FTCDNL1: variants seen among roughly 807,000 people sequenced by gnomAD.
FTCDNL1 encodes formiminotransferase cyclodeaminase N-terminal like.
A neutral mutation model predicts 5.9 loss-of-function variants in FTCDNL1; 11 were observed. That is an observed-to-expected ratio of 1.87 (90% CI 1.18 to 3.10). FTCDNL1 has a LOEUF of 3.10. Among genes scored for constraint, FTCDNL1 ranks in the 30% most tolerant of loss-of-function variants. The probability of loss-of-function intolerance (pLI) is 0.00; values close to 1 mark genes in which losing one functional copy is unlikely to be tolerated. For missense variants in FTCDNL1, 115 were observed against 65.5 expected (o/e 1.76, Z -2.61); for synonymous variants, 58 against 24.8 (o/e 2.34, Z -3.99).
chr2:199,690,120 C>T, the FTCDNL1 span, among the ~76,000 whole-genome samples: 5 of 152,112 alleles, frequency 3.3e-5, no homozygotes, highest in Admixed American at 3.3e-4. Context: ...TAGATATTTA[C>T]ATATATCAGA....
chr2:199,695,000 GC>G, the FTCDNL1 span, among the ~76,000 whole-genome samples: 12 of 152,094 alleles, frequency 7.9e-5, no homozygotes, highest in African/African-American at 2.9e-4. Flanking sequence ...CTTCTATCTT[GC>G]TTGGATTAGT....
chr2:199,677,038 C>T, the FTCDNL1 span, among the ~76,000 whole-genome samples: 3 of 152,032 alleles, frequency 2.0e-5, no homozygotes, highest in African/African-American at 7.2e-5. Flanking sequence ...CAAGGAACAC[C>T]GCTGCTCTGC....
the FTCDNL1 span, among the ~76,000 whole-genome samples, chr2:199,708,878 T>A: frequency 3.3e-5 from 5 of 152,250 alleles, no homozygotes; most frequent in African/African-American, 1.2e-4. Context: ...GGAGCTCTTT[T>A]TCTTTGTAGC....
intron 3 of FTCDNL1, among the ~76,000 whole-genome samples, chr2:199,802,782 G>C (rs938842946): frequency 2.0e-5 from 3 of 152,162 alleles, no homozygotes; most frequent in African/African-American, 7.2e-5. Context: ...TGATGAGAGA[G>C]GGTTGTGCCT....
intron 3 of FTCDNL1, among the ~76,000 whole-genome samples, chr2:199,838,068 T>C (rs1051292195): frequency 3.9e-5 from 6 of 152,198 alleles, no homozygotes; most frequent in Non-Finnish European, 7.3e-5. Flanking sequence ...TCATGAAAGT[T>C]TGTGTGTCAA....
At chr2:199,720,923 G>A in the FTCDNL1 span, among the ~76,000 whole-genome samples, 1 of 152,148 alleles carries the variant, frequency 6.6e-6, no homozygotes, top group Admixed American at 6.6e-5. Context: ...CTGGATGTCA[G>A]TTGAGGTCTT....
rs1400998653 is a variant in FTCDNL1 at position 199,848,914 on chromosome 2, C to T, written c.49G>A (p.Val17Ile). ...ATGTATTTTCTTCCGGCTTCTGAAA[C>T]GTTTAGTAAACAGGCAGCCAAACGG... ...GLRLAACLLN[V>I]SEAGRKYIVE... is the part of the protein sequence containing the mutation. Residue 17 changes from valine (V) to isoleucine (I), a missense_variant, in exon 2 of 5, where the codon GTT becomes ATT. By Grantham distance (29) the Val-to-Ile change is conservative (BLOSUM62 3). Transcript: ENST00000420128. 2.6e-5 allele frequency: 18 copies of T among 702,080 alleles called. No individual in the cohort carries two copies. The highest frequency in any genetic ancestry group is 4.7e-5 in the Non-Finnish European group (18 of 384,784). 43.5% of individuals were successfully genotyped at this position (702,080 alleles called of 1,614,324 possible). A position where few individuals can be genotyped will look rare whatever the true frequency, so the allele number is the denominator to read the frequency against.
At chr2:199,768,882 C>T (rs1236093048) in intron 3 of FTCDNL1, among the ~76,000 whole-genome samples, 1 of 152,142 alleles carries the variant, frequency 6.6e-6, no homozygotes, top group East Asian at 1.9e-4. Flanking sequence ...TGTCTCTCCA[C>T]AAAGGAAACG....
the FTCDNL1 span, among the ~76,000 whole-genome samples, chr2:199,677,353 T>C: frequency 1.3e-5 from 2 of 152,192 alleles, no homozygotes; most frequent in Non-Finnish European, 2.9e-5. Context: ...CAAAGTATAC[T>C]ATTCATTTAA....
the FTCDNL1 span, among the ~76,000 whole-genome samples, chr2:199,723,610 T>C: frequency 6.6e-6 from 1 of 152,214 alleles, no homozygotes; most frequent in Non-Finnish European, 1.5e-5. Context: ...TTCATTTTTA[T>C]TGAAGGCCTT....
downstream of FTCDNL1, among the ~76,000 whole-genome samples, chr2:199,755,869 G>C (rs368762987): frequency 6.6e-6 from 1 of 152,168 alleles, no homozygotes; most frequent in African/African-American, 2.4e-5. Context: ...TTTGCTAACG[G>C]TAAGTATGAT....
At chr2:199,794,917 T>C (rs1320236178) in intron 3 of FTCDNL1, among the ~76,000 whole-genome samples, 2 of 152,088 alleles carry the variant, frequency 1.3e-5, no homozygotes, top group Non-Finnish European at 2.9e-5. Flanking sequence ...ATAATAACAA[T>C]GCATTCATGT....
At chr2:199,741,384 T>C in the FTCDNL1 span, among the ~76,000 whole-genome samples, 1 of 152,324 alleles carries the variant, frequency 6.6e-6, no homozygotes, top group African/African-American at 2.4e-5. Context: ...AATATGTACC[T>C]AATTAATTGA....
Position 199,850,975 on chromosome 2 carries a change from CCT to C in FTCDNL1, c.-245_-244del, listed in dbSNP as rs2076862705. ...GCGGCGAGGGCGCGGGGTTGTGGCG[CCT>C]GGGAGCGAGGGGCAGCCGGCGGCTG... On this transcript the variant is annotated 5_prime_UTR_variant, in exon 1 of 5. Transcript: ENST00000420128. 6.6e-6 allele frequency: 1 copy of C among 152,064 alleles called. No homozygotes were observed. The highest frequency in any genetic ancestry group is 1.9e-4 in the East Asian group (1 of 5,176). 9.4% of individuals were successfully genotyped at this position (152,064 alleles called of 1,614,324 possible).
chr2:199,697,416 G>A, the FTCDNL1 span, among the ~76,000 whole-genome samples: 92 of 152,246 alleles, frequency 6.0e-4, no homozygotes, highest in Non-Finnish European at 1.1e-3. Flanking sequence ...ACCCCATGAG[G>A]CTAATAGTGA....
At chr2:199,739,174 T>A in the FTCDNL1 span, among the ~76,000 whole-genome samples, 2 of 152,212 alleles carry the variant, frequency 1.3e-5, no homozygotes. Context: ...GATTTCAAAG[T>A]TTGAAGCAGT....
chr2:199,677,027 A>T, the FTCDNL1 span, among the ~76,000 whole-genome samples: 7 of 152,224 alleles, frequency 4.6e-5, no homozygotes, highest in Admixed American at 1.3e-4. Context: ...GATGGAATAA[A>T]CAAGGAACAC....
intron 3 of FTCDNL1, among the ~76,000 whole-genome samples, chr2:199,845,647 A>T (rs1364478309): frequency 6.6e-6 from 1 of 152,116 alleles, no homozygotes; most frequent in Admixed American, 6.6e-5. Flanking sequence ...CAATGTCCCT[A>T]TAAGACATGT....
chr2:199,839,302 A>G (rs1306040464), intron 3 of FTCDNL1, among the ~76,000 whole-genome samples: 1 of 152,236 alleles, frequency 6.6e-6, no homozygotes, highest in Non-Finnish European at 1.5e-5. Context: ...AGTAAAATAA[A>G]AGGAACATTT....
Sources: gnomAD v4.1 joint callset for allele counts (sites outside exome capture counted in the v4.1 genomes callset) on GRCh38, gnomAD v4.1.1 for gene constraint, MANE v1.5 for transcripts, NCBI Gene and HGNC (gene_info 2026-07-23, HGNC 2026-07-21) for gene names.